Variants in PPP3CA observed in about 807,000 individuals in gnomAD.
PPP3CA encodes the protein protein phosphatase 3 catalytic subunit alpha, also known as CAM-PRP catalytic subunit.
A neutral mutation model predicts 66.5 loss-of-function variants in PPP3CA; 14 were observed. The observed-to-expected ratio is 0.21, with a 90% CI of 0.14 to 0.33. PPP3CA has a LOEUF of 0.33. Ranked by LOEUF, PPP3CA falls within the 10% of genes least tolerant of loss-of-function variation. The pLI is 1.00. For synonymous variants in PPP3CA, 232 were observed against 226.2 expected (o/e 1.03, Z -0.23); for missense variants, 317 against 639.5 (o/e 0.50, Z 5.44).
chr4:101,121,248 A>G (rs1327323207), intron 2 of PPP3CA, among the ~76,000 whole-genome samples: 1 of 152,130 alleles, frequency 6.6e-6, no homozygotes, highest in African/African-American at 2.4e-5. Flanking sequence ...TATTCATAAT[A>G]TGTATTTGAT....
chr4:101,032,514 C>CTTTAT, intron 11 of PPP3CA, 150 bp from the exon 12 acceptor site: 1 of 641,692 alleles, frequency 1.6e-6, no homozygotes, highest in Non-Finnish European at 2.7e-6. Flanking sequence ...TTTTAACATA[C>CTTTAT]TTTATTTTAA....
chr4:101,096,938 C>G (rs943598188), intron 5 of PPP3CA, among the ~76,000 whole-genome samples: 5 of 152,192 alleles, frequency 3.3e-5, no homozygotes, highest in South Asian at 4.1e-4. Context: ...TTTCCAAACT[C>G]AGAAGAAATG....
intron 1 of PPP3CA, among the ~76,000 whole-genome samples, chr4:101,249,521 CA>C (rs1050181884): frequency 6.6e-6 from 1 of 151,316 alleles, no homozygotes; most frequent in Non-Finnish European, 1.5e-5. Flanking sequence ...CTTGAAATAC[CA>C]AAGTTAAACA....
At chr4:101,260,640 T>C (rs1321524436) in intron 1 of PPP3CA, among the ~76,000 whole-genome samples, 2 of 152,106 alleles carry the variant, frequency 1.3e-5, no homozygotes, top group African/African-American at 4.8e-5. Context: ...CAGCAGCATA[T>C]TGTAACTTTC....
chr4:101,273,377 C>T (rs1432838231), intron 1 of PPP3CA, among the ~76,000 whole-genome samples: 5 of 151,888 alleles, frequency 3.3e-5, no homozygotes, highest in South Asian at 4.1e-4. Flanking sequence ...ACAGAGTGAT[C>T]GCGCAGTGGC....
chr4:101,314,907 A>G (rs530883485), intron 1 of PPP3CA, among the ~76,000 whole-genome samples: 1 of 152,330 alleles, frequency 6.6e-6, no homozygotes, highest in South Asian at 2.1e-4. Context: ...CAGAAGAACA[A>G]CATATTTCAT....
intron 3 of PPP3CA, among the ~76,000 whole-genome samples, chr4:101,101,224 T>A (rs893090691): frequency 6.6e-6 from 1 of 152,176 alleles, no homozygotes; most frequent in African/African-American, 2.4e-5. Flanking sequence ...AGCATCATGA[T>A]CTGTTGATGT....
intron 2 of PPP3CA, among the ~76,000 whole-genome samples, chr4:101,124,740 A>AG (rs1722176645): frequency 1.1e-5 from 1 of 91,312 alleles, no homozygotes; most frequent in Non-Finnish European, 2.1e-5. Context: ...AGAAAGAAAG[A>AG]AAGAAAGAAA....
At chr4:101,053,901 A>T (rs1383770102) in intron 10 of PPP3CA, among the ~76,000 whole-genome samples, 1 of 152,060 alleles carries the variant, frequency 6.6e-6, no homozygotes, top group African/African-American at 2.4e-5. Context: ...CAACTTCAAG[A>T]TACTTTATTA....
chr4:101,204,630 C>A (rs1725073591), intron 1 of PPP3CA, among the ~76,000 whole-genome samples: 2 of 81,440 alleles, frequency 2.5e-5, no homozygotes, highest in Admixed American at 1.5e-4. Context: ...AGCAGGACTC[C>A]ATCTCAAAAA....
At chr4:101,093,406 G>GT (rs148814688) in intron 6 of PPP3CA, among the ~76,000 whole-genome samples, 30,940 of 142,444 alleles carry the variant, frequency 0.22, 3,542 homozygotes, top group South Asian at 0.33. Flanking sequence ...ATGTACATTT[G>GT]TTTTTTTTTT....
chr4:101,113,756 G>A (rs985532298), intron 2 of PPP3CA, among the ~76,000 whole-genome samples: 2 of 152,066 alleles, frequency 1.3e-5, no homozygotes, highest in Non-Finnish European at 2.9e-5. Flanking sequence ...ACAGAGTAAA[G>A]GCTTGCCTGG....
rs116216980 is a variant in PPP3CA at position 101,147,675 on chromosome 4, C to T, written c.260-38597G>A. Among the ~76,000 whole-genome samples, 1,039 of 152,020 alleles carry T rather than the reference C, an allele frequency of 6.8e-3. 11 individuals are homozygous for T. Among genetic ancestry groups the T allele is most frequent in the African/African-American group, 0.024 (983 of 41,502 alleles). ...ATTTGCTACAATTGCTAATTTTTTC[C>T]TTGTTCATCCATAGTTCATTCTCAC... On this transcript the variant is annotated intron_variant, in intron 2 of 13. Coordinates refer to ENST00000394854, the MANE Select transcript of PPP3CA (RefSeq NM_000944.5).
chr4:101,299,445 C>A (rs111710273), intron 1 of PPP3CA, among the ~76,000 whole-genome samples: 1 of 151,480 alleles, frequency 6.6e-6, no homozygotes, highest in Non-Finnish European at 1.5e-5. Flanking sequence ...TGGTCTTGAA[C>A]AATCCTCCCA....
intron 1 of PPP3CA, among the ~76,000 whole-genome samples, chr4:101,240,570 A>G (rs1048352757): frequency 1.3e-5 from 2 of 152,264 alleles, no homozygotes; most frequent in Non-Finnish European, 2.9e-5. Context: ...GGGAAATCAG[A>G]TACGCAAACA....
intron 1 of PPP3CA, among the ~76,000 whole-genome samples, chr4:101,290,827 T>A (rs546010967): frequency 2.6e-5 from 4 of 152,272 alleles, no homozygotes; most frequent in African/African-American, 9.6e-5. Context: ...GAATACCACC[T>A]CATGGCATGG....
intron 2 of PPP3CA, among the ~76,000 whole-genome samples, chr4:101,142,274 G>A (rs1011359063): frequency 2.6e-5 from 4 of 152,116 alleles, no homozygotes; most frequent in Admixed American, 2.0e-4. Context: ...TCATCCCCAG[G>A]AGCTTGAGGA....
At chr4:101,271,583 G>T (rs1727338161) in intron 1 of PPP3CA, among the ~76,000 whole-genome samples, 1 of 152,056 alleles carries the variant, frequency 6.6e-6, no homozygotes, top group Non-Finnish European at 1.5e-5. Flanking sequence ...TTAACCCATG[G>T]CTTACTCATC....
chr4:101,084,844 T>A (rs1477674192), intron 6 of PPP3CA, among the ~76,000 whole-genome samples: 1 of 152,042 alleles, frequency 6.6e-6, no homozygotes, highest in East Asian at 1.9e-4. Context: ...GTCAATTCAA[T>A]AAATAAAACA....
Sources: gnomAD v4.1 joint callset for allele counts (sites outside exome capture counted in the v4.1 genomes callset) on GRCh38, gnomAD v4.1.1 for gene constraint, MANE v1.5 for transcripts, NCBI Gene and HGNC (gene_info 2026-07-23, HGNC 2026-07-21) for gene names.